The following GPR108 variants were observed in gnomAD, a reference collection of about 807,000 sequenced individuals.
The protein encoded by GPR108 is G protein-coupled receptor 108.
A neutral mutation model predicts 74.3 loss-of-function variants in GPR108; 60 were observed. The observed-to-expected ratio is 0.81, with a 90% confidence interval of 0.66 to 1.00. GPR108 has a LOEUF of 1.00. Among genes scored for constraint, GPR108 ranks in the 50% least tolerant of loss-of-function variants. The pLI is 0.00. For missense variants in GPR108, 667 were observed against 703.3 expected (o/e 0.95, Z 0.58); for synonymous variants, 311 against 292.4 (o/e 1.06, Z -0.65).
chr19:6,734,729 A>G (rs1210856265), intron 4 of GPR108, among the ~76,000 whole-genome samples: 2 of 151,928 alleles, frequency 1.3e-5, no homozygotes, highest in African/African-American at 4.8e-5. Flanking sequence ...TTCTAGAGAC[A>G]GGGGTCTCCC....
intron 11 of GPR108, 38 bp from the exon 12 acceptor site, chr19:6,732,418 G>T (rs893019059): frequency 1.7e-5 from 28 of 1,611,042 alleles, no homozygotes; most frequent in Non-Finnish European, 2.2e-5. Context: ...TGAGGTGGGG[G>T]GCCAACCCTC....
In GPR108 at chr19:6,729,996, T is replaced by C. The variant is rs1257115072; in HGVS notation, c.*316A>G. 5 of 356,938 alleles carry C rather than the reference T, an allele frequency of 1.4e-5. No homozygotes were observed. The highest frequency in any genetic ancestry group is 2.6e-5 in the Non-Finnish European group (5 of 192,296). 22.1% of individuals were successfully genotyped at this position (356,938 alleles called of 1,614,324 possible). A position where few individuals can be genotyped will look rare whatever the true frequency, so the allele number is the denominator to read the frequency against. On this transcript the variant is annotated 3_prime_UTR_variant, in exon 18 of 18. Transcript: ENST00000264080. ...GCCACACACAGCGAAAACAGGTTTC[T>C]ACATTGTAAACACAACCTCCGTGTA... is the stretch of plus-strand genomic sequence containing the variant.
At chr19:6,737,414 A>T in intron 1 of GPR108, 43 bp downstream of exon 1, 2 of 1,570,868 alleles carry the variant, frequency 1.3e-6, no homozygotes, top group South Asian at 1.1e-5. Flanking sequence ...CTCCGAGACA[A>T]AGTTGCGCCA....
rs1968420807 is a variant in GPR108, at chr19:6,731,896, C to T, written c.1295G>A (p.Gly432Glu). 1 of 1,612,136 alleles carries T rather than the reference C, an allele frequency of 6.2e-7. No individual in the cohort carries two copies. Among genetic ancestry groups the T allele is most frequent in the African/African-American group, 1.3e-5 (1 of 74,898 alleles). Residue 432 changes from glycine (G) to glutamate (E), a missense_variant, in exon 14 of 18, where the codon GGG becomes GAG. By Grantham distance (98) the Gly-to-Glu change is moderately conservative. Coordinates refer to ENST00000264080, the MANE Select transcript of GPR108 (RefSeq NM_001080452.2). ...RHLQDASGTDGKVAVNLAKLK... is the reference protein window; with the variant it reads ...RHLQDASGTDEKVAVNLAKLK... The stretch of plus-strand genomic sequence containing the variant: ...CTGCAGGCGCAGGGCCTCACCCTTC[C>T]CGTCTGTGCCAGACGCATCCTGGAG...
chr19:6,732,579 G>A, intron 10 of GPR108, 30 bp from the exon 11 acceptor site: 2 of 1,569,426 alleles, frequency 1.3e-6, no homozygotes, highest in Middle Eastern at 1.7e-4. Context: ...CGGACAGTGA[G>A]GCGCACAGAG....
Position 6,732,126 on chromosome 19 carries a change from G to A in GPR108, c.1155C>T (p.Ile385=), listed in dbSNP as rs1272494045. 6 of 1,613,800 alleles carry A rather than the reference G, an allele frequency of 3.7e-6. No individual in the cohort carries two copies. The East Asian group carries it at 1.1e-4, about 30-fold the overall frequency. The change falls in exon 13 of 18, where the codon ATC becomes ATT. Residue 385 remains isoleucine, a synonymous_variant. Coordinates refer to ENST00000264080, the MANE Select transcript of GPR108 (RefSeq NM_001080452.2). ...QVLANVAYII[I]ESREEGASDY... is the part of the protein sequence containing the mutation. The stretch of plus-strand genomic sequence containing the variant: ...CGCTGGCGCCTTCCTCGCGGGACTC[G>A]ATGATGATGTAGGCCACGTTGGCCA...
At chr19:6,734,997 C>A (rs1968576421) in intron 4 of GPR108, among the ~76,000 whole-genome samples, 1 of 151,972 alleles carries the variant, frequency 6.6e-6, no homozygotes, top group African/African-American at 2.4e-5. Context: ...CCTCTCACCT[C>A]AGCTTCCAGA....
rs1245975271 is a variant in GPR108, at chr19:6,735,891, CCATGCCCTCCACT to C, written c.291+4_291+16del. The stretch of plus-strand genomic sequence containing the variant: ...CCTCCAGCCCCTTCTCCCGTCTTCC[CCATGCCCTCCACT>C]CACTGAATAGGAGCGAACTCTGCCA... On this transcript the variant is annotated splice_donor_5th_base_variant and intron_variant, in intron 3 of 17. Transcript: ENST00000264080. 1 of 1,610,226 alleles carries C rather than the reference CCATGCCCTCCACT, an allele frequency of 6.2e-7. No homozygotes were observed. Among genetic ancestry groups the C allele is most frequent in the African/African-American group, 1.3e-5 (1 of 74,784 alleles).
At chr19:6,731,378 G>C (rs923979264) in intron 15 of GPR108, 95 bp downstream of exon 15, 6 of 1,485,842 alleles carry the variant, frequency 4.0e-6, no homozygotes, top group Non-Finnish European at 5.4e-6. Flanking sequence ...GCCTGGATGG[G>C]GGCCTCGGGA....
intron 16 of GPR108, 39 bp downstream of exon 16, chr19:6,731,160 C>G: frequency 6.2e-7 from 1 of 1,607,506 alleles, no homozygotes. Context: ...CCACCCCCAC[C>G]GTGGCCGCCC....
In GPR108 at chr19:6,730,708, C is replaced by T. The variant is rs898584483; in HGVS notation, c.1559+279G>A. On this transcript the variant is annotated intron_variant, in intron 17 of 17. Transcript: ENST00000264080. ...ACCCGAACTACCTAGGCCCCGCCCA[C>T]CCCCGCCCCCAGAGCGGCCCTGGGT... 6 of 553,524 alleles carry T rather than the reference C, an allele frequency of 1.1e-5. No individual in the cohort carries two copies. The Admixed American group carries it at 1.2e-4, about 11-fold the overall frequency. The allele number at this position is 553,524 out of a possible 1,614,324, so 34.3% of individuals were successfully genotyped here.
At position 6,730,363 on chromosome 19, in the gene GPR108, C is replaced by A. The variant is rs1568234738; in HGVS notation, c.1581G>T (p.Arg527=). ...TTTTGTTGACTTTGGAGAGGCCTTC[C>A]CGGAACCCAGAGTCCGTCATTCTGG... ...MEQVMTDSGF[R]EGLSKVNKTA... Residue 527 remains arginine (R), a synonymous_variant, in exon 18 of 18, where the codon CGG becomes CGT. Coordinates refer to ENST00000264080, the MANE Select transcript of GPR108 (RefSeq NM_001080452.2). 6.2e-7 allele frequency: 1 copy of A among 1,613,472 alleles called. No homozygotes were observed. The highest frequency in any genetic ancestry group is 8.5e-7 in the Non-Finnish European group (1 of 1,179,886).
At chr19:6,730,414 C>T (rs373802155) in intron 17 of GPR108, 30 bp from the exon 18 acceptor site, 30 of 1,593,640 alleles carry the variant, frequency 1.9e-5, no homozygotes, top group Non-Finnish European at 2.5e-5. Context: ...AGGCGTCTAG[C>T]GTTGCAGGGC....
chr19:6,734,286 T>C lies in GPR108; in HGVS notation c.396A>G (p.Gly132=). The C allele has an allele frequency of 6.2e-7, 1 of 1,612,966 alleles. No homozygotes were observed. Among genetic ancestry groups the C allele is most frequent in the Admixed American group, 1.7e-5 (1 of 59,978 alleles). ...KDLQVQVRKY[G]EQKTLFIFPG... ...GAAAGATAAACAACGTCTTCTGCTC[T>C]CCATACTTCCGCACCTGGACCCTGG... Residue 132 remains glycine (G), a synonymous_variant, in exon 5 of 18, where the codon GGA becomes GGG. Transcript: ENST00000264080.
chr19:6,735,160 G>A lies in GPR108; in HGVS notation c.374+462C>T, dbSNP rs1968582602. 2.0e-5 allele frequency among the ~76,000 whole-genome samples: 3 copies of A among 152,070 alleles called. No homozygotes were observed. The South Asian group carries it at 6.2e-4, about 32-fold the overall frequency. On this transcript the variant is annotated intron_variant, in intron 4 of 17. Coordinates refer to ENST00000264080, the MANE Select transcript of GPR108 (RefSeq NM_001080452.2). Reference sequence around the variant, plus strand: ...TTTTGCCTCGGCCTCCCAAATACTGGGATTACAGGCGTAAGCCACTGCCTG... The same window carrying A: ...TTTTGCCTCGGCCTCCCAAATACTGAGATTACAGGCGTAAGCCACTGCCTG...
chr19:6,731,540 G>A lies in GPR108; in HGVS notation c.1301-18C>T, dbSNP rs916100373. 2.7e-6 allele frequency: 4 copies of A among 1,487,906 alleles called. No homozygotes were observed. The highest frequency in any genetic ancestry group is 2.8e-5 in the African/African-American group (2 of 70,496). 92.2% of individuals were successfully genotyped at this position (1,487,906 alleles called of 1,614,324 possible). ...CACTGCCACTGAGGGTGGGCACAGA[G>A]AGGGCGGTCAGGGGAGACTGAGGGT... On this transcript the variant is annotated intron_variant, in intron 14 of 17. Transcript: ENST00000264080.
At chr19:6,731,430 C>T (rs781132963) in intron 15 of GPR108, 43 bp downstream of exon 15, 11 of 1,514,982 alleles carry the variant, frequency 7.3e-6, no homozygotes, top group Admixed American at 4.4e-5. Context: ...TGCAGCAGGC[C>T]GGTAATCCCC....
intron 15 of GPR108, 33 bp downstream of exon 15, chr19:6,731,440 C>A: frequency 6.6e-7 from 1 of 1,524,702 alleles, no homozygotes. Context: ...CGGTAATCCC[C>A]CCAAACCCGC....
At position 6,731,463 on chromosome 19, in the gene GPR108, G is replaced by A. The variant is rs1177662572; in HGVS notation, c.1350+10C>T. 5.9e-6 allele frequency: 9 copies of A among 1,535,130 alleles called. No individual in the cohort carries two copies. Among genetic ancestry groups the A allele is most frequent in the Admixed American group, 2.1e-5 (1 of 47,798 alleles). On this transcript the variant is annotated intron_variant, in intron 15 of 17. Transcript: ENST00000264080. ...CCCCCAAACCCGCTGTGAGTGAGGC[G>A]GGCTCCTACCATGACATAGTAATGC...
Sources: gnomAD v4.1 joint callset for allele counts (sites outside exome capture counted in the v4.1 genomes callset) on GRCh38, gnomAD v4.1.1 for gene constraint, MANE v1.5 for transcripts, NCBI Gene and HGNC (gene_info 2026-07-23, HGNC 2026-07-21) for gene names.